The following DNAJB2 variants were observed in gnomAD, a reference collection of about 807,000 sequenced individuals.
DNAJB2 encodes dnaJ homolog subfamily B member 2.
A neutral mutation model predicts 33.3 loss-of-function variants in DNAJB2; 19 were observed. That is an observed-to-expected ratio of 0.57 (90% confidence interval 0.40 to 0.84). The LOEUF (loss-of-function observed/expected upper bound fraction) is 0.84. Ranked by LOEUF, DNAJB2 falls within the 40% of genes least tolerant of loss-of-function variation. DNAJB2 has a pLI of 0.00. For synonymous variants in DNAJB2, 172 were observed against 164.6 expected (o/e 1.04, Z -0.34); for missense variants, 368 against 430.9 (o/e 0.85, Z 1.29).
In DNAJB2 at chr2:219,285,531, T is replaced by C. The variant is rs1951947304; in HGVS notation, c.*544T>C. The C allele has an allele frequency of 9.8e-7, 1 of 1,017,144 alleles. No individual in the cohort carries two copies. The highest frequency in any genetic ancestry group is 1.2e-6 in the Non-Finnish European group (1 of 849,874). 63.0% of individuals were successfully genotyped at this position (1,017,144 alleles called of 1,614,324 possible). A position where few individuals can be genotyped will look rare whatever the true frequency, so the allele number is the denominator to read the frequency against. ...TGCTTCTCCTCCCTCCCATTCTCTC[T>C]GCAACTCCCTGCGGGCCGCATCGCT... is the stretch of plus-strand genomic sequence containing the variant. On this transcript the variant is annotated 3_prime_UTR_variant, in exon 9 of 9. Coordinates refer to ENST00000336576, the MANE Select transcript of DNAJB2 (RefSeq NM_006736.6).
intron 2 of DNAJB2, 46 bp from the exon 3 acceptor site, chr2:219,280,532 C>T: frequency 6.7e-7 from 1 of 1,494,332 alleles, no homozygotes; most frequent in Non-Finnish European, 9.3e-7. Flanking sequence ...GTGGGAAGTG[C>T]CTGCATTTGT....
rs1951954638 is a variant in DNAJB2, at chr2:219,286,208, A to G, written c.*1221A>G. ...TGTTTGGTGCTGGCTCCTGGGGACT[A>G]CAAATCCCAGAGTGCGGTGTGCCCG... is the stretch of plus-strand genomic sequence containing the variant. On this transcript the variant is annotated 3_prime_UTR_variant, in exon 9 of 9. Coordinates refer to ENST00000336576, the MANE Select transcript of DNAJB2 (RefSeq NM_006736.6). 7 of 593,492 alleles carry G rather than the reference A, an allele frequency of 1.2e-5. No homozygotes were observed. The South Asian group carries it at 1.6e-4, about 13-fold the overall frequency. The allele number at this position is 593,492 out of a possible 1,614,324, so 36.8% of individuals were successfully genotyped here. A position where few individuals can be genotyped will look rare whatever the true frequency, so the allele number is the denominator to read the frequency against.
chr2:219,284,207 G>T (rs917505869), intron 8 of DNAJB2, among the ~76,000 whole-genome samples: 1 of 152,128 alleles, frequency 6.6e-6, no homozygotes, highest in African/African-American at 2.4e-5. Context: ...AGCCCCCTGT[G>T]TAGCTGGGAC....
chr2:219,285,370 C>T lies in DNAJB2; in HGVS notation c.*383C>T, dbSNP rs1039950841. 4.9e-6 allele frequency: 5 copies of T among 1,015,628 alleles called. No homozygotes were observed. The highest frequency in any genetic ancestry group is 1.1e-4 in the Admixed American group (2 of 18,366). The allele number at this position is 1,015,628 out of a possible 1,614,324, so 62.9% of individuals were successfully genotyped here. On this transcript the variant is annotated 3_prime_UTR_variant, in exon 9 of 9. Coordinates refer to ENST00000336576, the MANE Select transcript of DNAJB2 (RefSeq NM_006736.6). ...GGACTTGGCCTAGGGTTGTCTGAGC[C>T]GGAGCCGGCAGCTCCACTGGAGAGC...
At chr2:219,282,096 C>A in intron 5 of DNAJB2, 35 bp downstream of exon 5, 1 of 1,613,988 alleles carries the variant, frequency 6.2e-7, no homozygotes, top group Non-Finnish European at 8.5e-7. Flanking sequence ...AATGGCTCAA[C>A]TTCCCCCTCC....
Position 219,285,038 on chromosome 2 carries a change from C to T in DNAJB2, c.*51C>T. 1 of 1,442,398 alleles carries T rather than the reference C, an allele frequency of 6.9e-7. No individual in the cohort carries two copies. Among genetic ancestry groups the T allele is most frequent in the East Asian group, 2.5e-5 (1 of 40,450 alleles). The allele number at this position is 1,442,398 out of a possible 1,614,324, so 89.3% of individuals were successfully genotyped here. On this transcript the variant is annotated 3_prime_UTR_variant, in exon 9 of 9. Transcript: ENST00000336576. ...CAGATCTTGACTGGGGGGTCTGACT[C>T]ACTGTGGGAAGAGAAGAGGGGAGTA...
At chr2:219,280,474 G>A (rs1951894086) in intron 2 of DNAJB2, 104 bp from the exon 3 acceptor site, 2 of 842,108 alleles carry the variant, frequency 2.4e-6, no homozygotes, top group Non-Finnish European at 3.8e-6. Flanking sequence ...ACCCGGGGGT[G>A]AAAGGACAGT....
At chr2:219,283,397 T>A (rs773359849) in intron 7 of DNAJB2, 22 bp from the exon 8 acceptor site, 1 of 1,612,944 alleles carries the variant, frequency 6.2e-7, no homozygotes, top group Non-Finnish European at 8.5e-7. Flanking sequence ...GCTCGTTGCC[T>A]GAACTGTGCT....
At position 219,285,414 on chromosome 2, in the gene DNAJB2, C is replaced by A; in HGVS notation, c.*427C>A. 9.9e-7 allele frequency: 1 copy of A among 1,007,904 alleles called. No homozygotes were observed. The highest frequency in any genetic ancestry group is 1.2e-6 in the Non-Finnish European group (1 of 844,638). 62.4% of individuals were successfully genotyped at this position (1,007,904 alleles called of 1,614,324 possible). On this transcript the variant is annotated 3_prime_UTR_variant, in exon 9 of 9. Coordinates refer to ENST00000336576, the MANE Select transcript of DNAJB2 (RefSeq NM_006736.6). ...GGAGAGCAGTGCAGGCAGAGTGGAG[C>A]CTCCTGCTCTCCTGGACCAGCTGCA...
chr2:219,281,850 C>CT, intron 4 of DNAJB2, 79 bp downstream of exon 4: 1 of 1,611,276 alleles, frequency 6.2e-7, no homozygotes. Flanking sequence ...AATGGAGGCT[C>CT]TCTCAGGCTC....
rs980179984 is a variant in DNAJB2, at chr2:219,286,366, C to G, written c.*1379C>G. On this transcript the variant is annotated 3_prime_UTR_variant, in exon 9 of 9. Coordinates refer to ENST00000336576, the MANE Select transcript of DNAJB2 (RefSeq NM_006736.6). ...GGGAGATTTTGTCTTTTGATTTATC[C>G]CTGTAGGGCTGGCAGGGTTGTAGAT... 1 of 243,224 alleles carries G rather than the reference C, an allele frequency of 4.1e-6. No individual in the cohort carries two copies. The allele number at this position is 243,224 out of a possible 1,614,324, so 15.1% of individuals were successfully genotyped here. A position where few individuals can be genotyped will look rare whatever the true frequency, so the allele number is the denominator to read the frequency against.
chr2:219,280,024 T>A, intron 2 of DNAJB2, 126 bp downstream of exon 2: 1 of 1,007,884 alleles, frequency 9.9e-7, no homozygotes, highest in Non-Finnish European at 1.5e-6. Flanking sequence ...GGGTGCTTCT[T>A]CCGAGTGACA....
In DNAJB2 at chr2:219,282,913, C is replaced by T. The variant is rs371047447; in HGVS notation, c.429C>T (p.Ser143=). 2.5e-6 allele frequency: 4 copies of T among 1,602,142 alleles called. No individual in the cohort carries two copies. The highest frequency in any genetic ancestry group is 1.3e-5 in the African/African-American group (1 of 74,100). Residue 143 remains serine (S), a synonymous_variant, in exon 6 of 9, where the codon TCC becomes TCT. Coordinates refer to ENST00000336576, the MANE Select transcript of DNAJB2 (RefSeq NM_006736.6). Reference sequence around the variant, plus strand: ...GCCCCTTCTTTACCTTCTCTTCCTCCTTCCCTGGGCACTCCGGTAAGTTCT... The same window carrying T: ...GCCCCTTCTTTACCTTCTCTTCCTCTTTCCCTGGGCACTCCGGTAAGTTCT... The part of the protein sequence containing the change: ...HSGPFFTFSS[S]FPGHSDFSSS...
At position 219,280,585 on chromosome 2, in the gene DNAJB2, C is replaced by T. The variant is rs750175376; in HGVS notation, c.73C>T (p.Arg25Cys). The change falls in exon 3 of 9, where the codon CGC becomes TGC. Residue 25 changes from arginine to cysteine, a missense_variant. Physicochemically the swap from Arg to Cys is radical, Grantham distance 180. Transcript: ENST00000336576. ...SADDIKKAYR[R>C]KALQWHPDKN... ...TGCACCCACTTTCTGCAGGTATCGG[C>T]GCAAGGCTCTCCAGTGGCACCCAGA... is the stretch of plus-strand genomic sequence containing the variant. 1.1e-5 allele frequency: 17 copies of T among 1,613,764 alleles called. No homozygotes were observed. The highest frequency in any genetic ancestry group is 2.7e-5 in the African/African-American group (2 of 74,882).
chr2:219,285,828 G>C lies in DNAJB2; in HGVS notation c.*841G>C, dbSNP rs1027099210. 1.3e-5 allele frequency: 18 copies of C among 1,417,404 alleles called. No individual in the cohort carries two copies. In the African/African-American group the frequency reaches 2.6e-4, roughly 20 times the overall value. The allele number at this position is 1,417,404 out of a possible 1,614,324, so 87.8% of individuals were successfully genotyped here. ...GGGATAGGACCGGGGGACCCCAGAG[G>C]GAGGCCTAGGAGGGGACTGCACCCA... On this transcript the variant is annotated 3_prime_UTR_variant, in exon 9 of 9. Coordinates refer to ENST00000336576, the MANE Select transcript of DNAJB2 (RefSeq NM_006736.6).
At chr2:219,281,693 GA>G (rs1559285995) in intron 3 of DNAJB2, 24 bp from the exon 4 acceptor site, 1 of 1,613,852 alleles carries the variant, frequency 6.2e-7, no homozygotes, top group South Asian at 1.1e-5. Context: ...GAGGGAGGGT[GA>G]AATGATCTGG....
chr2:219,284,681 G>C lies in DNAJB2; in HGVS notation c.669G>C (p.Gln223His). 1 of 1,609,104 alleles carries C rather than the reference G, an allele frequency of 6.2e-7. No individual in the cohort carries two copies. The highest frequency in any genetic ancestry group is 8.5e-7 in the Non-Finnish European group (1 of 1,177,014). ...GCTTGGAGCTGAGCCGTCGCGAGCAGCAGCCGTCAGTCACTTCCAGGTCTG... is the reference window on the plus strand; with the variant it reads ...GCTTGGAGCTGAGCCGTCGCGAGCACCAGCCGTCAGTCACTTCCAGGTCTG... ...ALGLELSRRE[Q>H]QPSVTSRSGG... Residue 223 changes from glutamine (Q) to histidine (H), a missense_variant, in exon 9 of 9, where the codon CAG becomes CAC. By Grantham distance (24) the Gln-to-His change is conservative. Transcript: ENST00000336576.
At chr2:219,282,991 G>A in intron 6 of DNAJB2, 62 bp downstream of exon 6, 1 of 1,565,960 alleles carries the variant, frequency 6.4e-7, no homozygotes, top group Non-Finnish European at 8.7e-7. Context: ...GCTTGAGCTT[G>A]TTGCTTTTCC....
chr2:219,284,833 CA>C lies in DNAJB2; in HGVS notation c.822del (p.Gly275ValfsTer78). On this transcript the variant is annotated frameshift_variant, in exon 9 of 9. Coordinates refer to ENST00000336576, the MANE Select transcript of DNAJB2 (RefSeq NM_006736.6). LOFTEE classifies it high-confidence loss of function. ...SEMEAAGKKP[A>X]GGREAQHRRQ... ...ATGGAGGCAGCTGGGAAGAAACCCG[CA>C]GGTGGGCGGGAGGCACAGCACCGAC... The C allele has an allele frequency of 6.2e-7, 1 of 1,611,820 alleles. No homozygotes were observed. Among genetic ancestry groups the C allele is most frequent in the Non-Finnish European group, 8.5e-7 (1 of 1,179,060 alleles).
Sources: allele counts gnomAD v4.1 joint callset (sites outside exome capture counted in the v4.1 genomes callset), GRCh38; gene constraint gnomAD v4.1.1; transcripts MANE v1.5; gene names NCBI Gene and HGNC (gene_info 2026-07-23, HGNC 2026-07-21).